Variants in WARS2 observed in about 807,000 individuals in gnomAD.
WARS2 encodes tryptophan--tRNA ligase, mitochondrial.
Under a neutral mutation model 36.5 loss-of-function variants are expected in WARS2, and 28 were observed. The observed-to-expected ratio is 0.77, with a 90% CI of 0.57 to 1.05. The LOEUF is 1.05. WARS2 is among the 50% of genes least tolerant of loss of function. The pLI, the probability that WARS2 is intolerant of heterozygous loss-of-function variation, is 0.00. For synonymous variants in WARS2, 174 were observed against 178.4 expected (o/e 0.98, Z 0.20); for missense variants, 435 against 456.8 (o/e 0.95, Z 0.44).
At chr1:119,131,474 T>G (rs1480526202) in intron 1 of WARS2, among the ~76,000 whole-genome samples, 2 of 150,464 alleles carry the variant, frequency 1.3e-5, no homozygotes, top group African/African-American at 4.9e-5. Context: ...TGTTTTTTTT[T>G]TTTTTGAGAC....
intron 1 of WARS2, among the ~76,000 whole-genome samples, chr1:119,132,741 T>C (rs1168182173): frequency 1.3e-5 from 2 of 152,182 alleles, no homozygotes; most frequent in Admixed American, 6.5e-5. Flanking sequence ...AGCCCTTTGT[T>C]TGATGTATAA....
chr1:119,119,859 T>A (rs67922810), intron 1 of WARS2, among the ~76,000 whole-genome samples: 6,350 of 152,080 alleles, frequency 0.042, 150 homozygotes, highest in Middle Eastern at 0.065. Context: ...TTATTTGAAC[T>A]GTGAATGATA....
chr1:119,116,932 A>C (rs1021749268), intron 1 of WARS2, among the ~76,000 whole-genome samples: 2 of 152,216 alleles, frequency 1.3e-5, no homozygotes, highest in Non-Finnish European at 2.9e-5. Flanking sequence ...CAGGAAGTGC[A>C]GATACAAACA....
At chr1:119,089,735 G>C (rs1354632640) in intron 1 of WARS2, among the ~76,000 whole-genome samples, 2 of 152,078 alleles carry the variant, frequency 1.3e-5, no homozygotes, top group African/African-American at 4.8e-5. Context: ...TGTTCCCCCT[G>C]ATCATTTAAT....
intron 1 of WARS2, among the ~76,000 whole-genome samples, chr1:119,096,574 C>T (rs1486428185): frequency 6.6e-6 from 1 of 152,076 alleles, no homozygotes; most frequent in Non-Finnish European, 1.5e-5. Flanking sequence ...CACACTCAAA[C>T]TGTAATAATT....
chr1:119,062,311 C>A (rs1650449480), intron 2 of WARS2, among the ~76,000 whole-genome samples: 1 of 152,116 alleles, frequency 6.6e-6, no homozygotes, highest in Admixed American at 6.5e-5. Flanking sequence ...TAGTACCAAA[C>A]ATAACCTGTG....
At chr1:119,055,707 AAG>A (rs1223548473) in intron 2 of WARS2, among the ~76,000 whole-genome samples, 1 of 150,758 alleles carries the variant, frequency 6.6e-6, no homozygotes, top group African/African-American at 2.4e-5. Flanking sequence ...AGAAAGAAAG[AAG>A]AGAGAGAGAA....
In WARS2 at chr1:119,134,430, G is replaced by GA. The variant is rs201850850; in HGVS notation, c.90+6124dup. ...AATTAGAAATGGAGCAGTAGCTCTAGAAAAAAAACAGAAGACTGTGTGGCA... is the reference window on the plus strand; with the variant it reads ...AATTAGAAATGGAGCAGTAGCTCTAGAAAAAAAAACAGAAGACTGTGTGGCA... On this transcript the variant is annotated intron_variant, in intron 1 of 5. Transcript: ENST00000235521. Among the ~76,000 whole-genome samples the GA allele has an allele frequency of 8.0e-5, 12 of 150,110 alleles. No individual in the cohort carries two copies. The East Asian group carries it at 9.8e-4, about 12-fold the overall frequency.
At chr1:119,045,695 G>A in intron 2 of WARS2, 33 bp from the exon 3 acceptor site, 1 of 1,533,074 alleles carries the variant, frequency 6.5e-7, no homozygotes, top group Non-Finnish European at 8.9e-7. Context: ...TAGTAAAGGT[G>A]GCCAGTGTTT....
intron 1 of WARS2, among the ~76,000 whole-genome samples, chr1:119,115,832 G>A (rs1018747510): frequency 6.6e-6 from 1 of 152,122 alleles, no homozygotes; most frequent in Admixed American, 6.5e-5. Flanking sequence ...GGGTGTTACT[G>A]TTAATATTCT....
chr1:119,033,661 G>A (rs1647636906), intron 5 of WARS2, among the ~76,000 whole-genome samples: 2 of 152,164 alleles, frequency 1.3e-5, no homozygotes, highest in Non-Finnish European at 2.9e-5. Flanking sequence ...AGTGTTCTGA[G>A]CACGCTGAAG....
chr1:119,092,320 C>T lies in WARS2; in HGVS notation c.91-15713G>A, dbSNP rs587699302. Among the ~76,000 whole-genome samples, 9 of 152,204 alleles carry T rather than the reference C, an allele frequency of 5.9e-5. No individual in the cohort carries two copies. The South Asian group carries it at 6.2e-4, about 11-fold the overall frequency. ...CTTGCTTTTCAAGACTAGTAGCCAGCGTCACCAATTCTTCATGTTTTACCA... is the reference window on the plus strand; with the variant it reads ...CTTGCTTTTCAAGACTAGTAGCCAGTGTCACCAATTCTTCATGTTTTACCA... On this transcript the variant is annotated intron_variant, in intron 1 of 5. Coordinates refer to ENST00000235521, the MANE Select transcript of WARS2 (RefSeq NM_015836.4).
chr1:119,071,391 T>C (rs1651305598), intron 2 of WARS2, among the ~76,000 whole-genome samples: 1 of 152,164 alleles, frequency 6.6e-6, no homozygotes, highest in Non-Finnish European at 1.5e-5. Flanking sequence ...ACATCTGTAC[T>C]CTCATGTTTA....
At chr1:119,133,970 A>T (rs1656282506) in intron 1 of WARS2, among the ~76,000 whole-genome samples, 1 of 152,124 alleles carries the variant, frequency 6.6e-6, no homozygotes, top group Non-Finnish European at 1.5e-5. Flanking sequence ...AAACTACAAA[A>T]TGCTGTATTA....
rs1353910283 is a variant in WARS2 at position 119,131,466 on chromosome 1, T to G, written c.90+9089A>C. ...ACTGTGCAAAGTTTTTTGTTTTTTG[T>G]TTTTTTTTTTTTTGAGACGTAGTCT... On this transcript the variant is annotated intron_variant, in intron 1 of 5. Transcript: ENST00000235521. Among the ~76,000 whole-genome samples, 78 of 133,394 alleles carry G rather than the reference T, an allele frequency of 5.8e-4. 1 individual carries two copies. Among genetic ancestry groups the G allele is most frequent in the Admixed American group, 7.9e-4 (11 of 13,960 alleles). 87.5% of individuals were successfully genotyped at this position (133,394 alleles called of 152,430 possible). A position where few individuals can be genotyped will look rare whatever the true frequency, so the allele number is the denominator to read the frequency against.
intron 1 of WARS2, among the ~76,000 whole-genome samples, chr1:119,134,185 G>A (rs587610538): frequency 1.3e-5 from 2 of 152,050 alleles, no homozygotes; most frequent in African/African-American, 4.8e-5. Context: ...AGAATGTGAA[G>A]GAGAAACTGA....
chr1:119,043,618 A>G (rs1327881542), intron 3 of WARS2, among the ~76,000 whole-genome samples: 1 of 152,220 alleles, frequency 6.6e-6, no homozygotes, highest in Non-Finnish European at 1.5e-5. Flanking sequence ...CCCTAATTAC[A>G]AAGTTCATGA....
intron 1 of WARS2, among the ~76,000 whole-genome samples, chr1:119,095,696 G>T (rs587682305): frequency 6.6e-6 from 1 of 152,302 alleles, no homozygotes; most frequent in East Asian, 1.9e-4. Context: ...CTCCCAAAGT[G>T]CTGGGATTAC....
At chr1:119,083,771 T>C (rs769836420) in intron 1 of WARS2, among the ~76,000 whole-genome samples, 52 of 152,262 alleles carry the variant, frequency 3.4e-4, no homozygotes, top group Non-Finnish European at 6.9e-4. Context: ...TAAAACTAAA[T>C]TAACAATTAT....
Sources: allele counts gnomAD v4.1 joint callset (sites outside exome capture counted in the v4.1 genomes callset), GRCh38; gene constraint gnomAD v4.1.1; transcripts MANE v1.5; gene names NCBI Gene and HGNC (gene_info 2026-07-23, HGNC 2026-07-21).